The following C6 variants were observed in gnomAD, a reference collection of about 807,000 sequenced individuals.
C6 encodes the protein complement C6.
Under a neutral mutation model 112.9 loss-of-function variants are expected in C6, and 101 were observed. The observed-to-expected ratio is 0.89, with a 90% CI of 0.76 to 1.06. The LOEUF (loss-of-function observed/expected upper bound fraction) is 1.06, where lower values mean the gene tolerates loss of function less well. C6 is among the 50% of genes least tolerant of loss of function. The pLI, the probability that C6 is intolerant of heterozygous loss-of-function variation, is 0.00. For synonymous variants in C6, 431 were observed against 384.1 expected (o/e 1.12, Z -1.43); for missense variants, 1,202 against 1,104.6 (o/e 1.09, Z -1.25).
Position 41,203,172 on chromosome 5 carries a change from T to C in C6, c.59A>G (p.Gln20Arg), listed in dbSNP as rs1751166121. ...ILLNALINKGQACFCDHYAWT... is the reference protein window; with the variant it reads ...ILLNALINKGRACFCDHYAWT... ...TGCATAGTGATCACAGAAGCAGGCTTGGCCCTTGTTGATCAGAGCATTCAG... is the reference window on the plus strand; with the variant it reads ...TGCATAGTGATCACAGAAGCAGGCTCGGCCCTTGTTGATCAGAGCATTCAG... The change falls in exon 2 of 18, where the codon CAA (glutamine) becomes CGA (arginine). Residue 20 changes from glutamine (Q) to arginine (R), a missense_variant. Gln to Arg is a conservative substitution (Grantham distance 43). Transcript: ENST00000337836. 2 of 1,613,992 alleles carry C rather than the reference T, an allele frequency of 1.2e-6. No individual in the cohort carries two copies. The highest frequency in any genetic ancestry group is 1.7e-6 in the Non-Finnish European group (2 of 1,179,976).
intron 1 of C6, among the ~76,000 whole-genome samples, chr5:41,256,375 A>G (rs1253284065): frequency 1.3e-5 from 2 of 151,540 alleles, no homozygotes; most frequent in African/African-American, 2.4e-5. Flanking sequence ...ACATGTATAC[A>G]TATATAACTA....
At chr5:41,168,469 G>C (rs918552950) in intron 9 of C6, among the ~76,000 whole-genome samples, 1 of 152,136 alleles carries the variant, frequency 6.6e-6, no homozygotes, top group African/African-American at 2.4e-5. Context: ...GCCCAGGAAA[G>C]CTTTACCAGG....
intron 1 of C6, among the ~76,000 whole-genome samples, chr5:41,253,660 T>C (rs999371519): frequency 1.3e-5 from 2 of 152,162 alleles, no homozygotes; most frequent in African/African-American, 2.4e-5. Flanking sequence ...ATTTAGCTTG[T>C]TTTTAGGTTA....
At chr5:41,228,061 T>C (rs922539264) in intron 1 of C6, among the ~76,000 whole-genome samples, 12 of 152,120 alleles carry the variant, frequency 7.9e-5, no homozygotes, top group African/African-American at 2.7e-4. Context: ...ATTTTGGTAG[T>C]ATGGACATTT....
intron 1 of C6, among the ~76,000 whole-genome samples, chr5:41,257,124 G>C (rs1009044188): frequency 6.6e-6 from 1 of 152,038 alleles, no homozygotes; most frequent in African/African-American, 2.4e-5. Flanking sequence ...AGATGATTTT[G>C]TCACCCAGGT....
At chr5:41,206,523 G>C (rs1751447265) in intron 1 of C6, among the ~76,000 whole-genome samples, 2 of 152,112 alleles carry the variant, frequency 1.3e-5, no homozygotes, top group Non-Finnish European at 2.9e-5. Flanking sequence ...GCATAGAGAA[G>C]ACCTTAAATG....
intron 5 of C6, among the ~76,000 whole-genome samples, chr5:41,188,707 T>G (rs1749972722): frequency 6.6e-6 from 1 of 152,004 alleles, no homozygotes; most frequent in African/African-American, 2.4e-5. Flanking sequence ...TGAACTCCAG[T>G]AAGACAAAGC....
At position 41,181,400 on chromosome 5, in the gene C6, T is replaced by C. The variant is rs1749330484; in HGVS notation, c.886A>G (p.Asn296Asp). ...TGAATGGCTTGTTTGAAGGCAGAAT[T>C]ATGGTTGATATTTTCACTTCTCTTT... ...SSKRSENINH[N>D]SAFKQAIQAS... Residue 296 changes from asparagine to aspartate, a missense_variant, in exon 7 of 18, where the codon AAT becomes GAT. Transcript: ENST00000337836. The C allele has an allele frequency of 2.5e-6, 4 of 1,613,766 alleles. No homozygotes were observed. The highest frequency in any genetic ancestry group is 3.4e-6 in the Non-Finnish European group (4 of 1,179,830).
intron 7 of C6, among the ~76,000 whole-genome samples, chr5:41,178,497 G>A (rs11741324): frequency 0.11 from 14,220 of 131,326 alleles, 863 homozygotes; most frequent in African/African-American, 0.15. Flanking sequence ...GTGAGATGGA[G>A]ACAGAGCTAG....
chr5:41,219,468 A>C (rs1470545977), intron 1 of C6, among the ~76,000 whole-genome samples: 1 of 152,104 alleles, frequency 6.6e-6, no homozygotes, highest in Non-Finnish European at 1.5e-5. Context: ...CAATGCAAGC[A>C]ATGAAGGGAC....
At chr5:41,231,343 A>G (rs971509272) in intron 1 of C6, among the ~76,000 whole-genome samples, 22 of 151,982 alleles carry the variant, frequency 1.4e-4, no homozygotes, top group South Asian at 2.1e-4. Flanking sequence ...ATTTCTTTTT[A>G]ATGTACATAC....
chr5:41,196,998 G>T (rs1750669574), intron 4 of C6, among the ~76,000 whole-genome samples: 1 of 152,124 alleles, frequency 6.6e-6, no homozygotes, highest in African/African-American at 2.4e-5. Context: ...AACTGACAAT[G>T]ATTAAAGGTT....
intron 1 of C6, among the ~76,000 whole-genome samples, chr5:41,234,350 G>GTTTTTTTTTTTTTTTTTTTTTTT (rs1316483722): frequency 7.8e-6 from 1 of 127,804 alleles, no homozygotes; most frequent in African/African-American, 3.4e-5. Flanking sequence ...TTTTTTTTTT[G>GTTTTTTTTTTTTTTTTTTTTTTT]TTTTTTGTTT....
intron 4 of C6, among the ~76,000 whole-genome samples, chr5:41,198,907 T>A (rs1750803925): frequency 6.6e-6 from 1 of 152,118 alleles, no homozygotes; most frequent in African/African-American, 2.4e-5. Flanking sequence ...TCATTCGGAT[T>A]TTGCTCTGAT....
chr5:41,254,377 G>A (rs956341682), intron 1 of C6, among the ~76,000 whole-genome samples: 19 of 152,150 alleles, frequency 1.2e-4, no homozygotes, highest in African/African-American at 4.3e-4. Flanking sequence ...CTGTACTCCA[G>A]CCTGGGCAAC....
chr5:41,231,828 CAT>C (rs1407848923), intron 1 of C6, among the ~76,000 whole-genome samples: 4 of 151,866 alleles, frequency 2.6e-5, no homozygotes, highest in Non-Finnish European at 5.9e-5. Context: ...GAAAAAATCA[CAT>C]GTTCCTAATT....
At chr5:41,157,770 T>C (rs1191137054) in intron 13 of C6, among the ~76,000 whole-genome samples, 4 of 152,222 alleles carry the variant, frequency 2.6e-5, no homozygotes, top group Non-Finnish European at 5.9e-5. Context: ...ATCTGTGTTT[T>C]ACCAGGTCCT....
rs1034054481 is a variant in C6 at position 41,245,164 on chromosome 5, A to T, written c.-21+16030T>A. 3.9e-5 allele frequency among the ~76,000 whole-genome samples: 6 copies of T among 152,208 alleles called. No individual in the cohort carries two copies. The East Asian group carries it at 5.8e-4, about 15-fold the overall frequency. On this transcript the variant is annotated intron_variant, in intron 1 of 17. Coordinates refer to the C6 transcript ENST00000263413. ...CACAGTAATGCTGATCACATAAAAT[A>T]AGTTGTGAAGTTTTGCCACCTTCCC...
At chr5:41,199,726 C>T (rs375815902) in intron 4 of C6, 42 bp downstream of exon 4, 1 of 1,595,842 alleles carries the variant, frequency 6.3e-7, no homozygotes, top group Non-Finnish European at 8.6e-7. Context: ...TTTAGTCAAG[C>T]TATTTTTAGT....
Sources: allele counts gnomAD v4.1 joint callset (sites outside exome capture counted in the v4.1 genomes callset), GRCh38; gene constraint gnomAD v4.1.1; transcripts MANE v1.5; gene names NCBI Gene and HGNC (gene_info 2026-07-23, HGNC 2026-07-21).